The following WWOX variants were observed in gnomAD, a reference collection of about 807,000 sequenced individuals.
WWOX encodes WW domain-containing oxidoreductase.
A neutral mutation model predicts 46.2 loss-of-function variants in WWOX; 69 were observed. The observed-to-expected ratio is 1.49, with a 90% confidence interval of 1.23 to 1.82. WWOX has a LOEUF of 1.82. Among genes scored for constraint, WWOX ranks in the 40% most tolerant of loss-of-function variants. The pLI is 0.00. For missense variants in WWOX, 919 were observed against 542.6 expected, an observed-to-expected ratio of 1.69 and a Z score of -6.89; for synonymous variants, 359 against 202.6, an observed-to-expected ratio of 1.77 and a Z score of -6.56.
chr16:78,102,111 G>A (rs367739914), intron 1 of WWOX, among the ~76,000 whole-genome samples: 23 of 152,244 alleles, frequency 1.5e-4, no homozygotes, highest in African/African-American at 5.5e-4. Flanking sequence ...TGTAGAAATG[G>A]GGTCTCACCA....
intron 6 of WWOX, among the ~76,000 whole-genome samples, chr16:78,421,198 G>A (rs1293357497): frequency 6.6e-6 from 1 of 152,148 alleles, no homozygotes; most frequent in Non-Finnish European, 1.5e-5. Context: ...CAAAACAACA[G>A]AATTTTACTC....
intron 8 of WWOX, among the ~76,000 whole-genome samples, chr16:78,585,179 C>G (rs373246003): frequency 1.3e-5 from 2 of 152,194 alleles, no homozygotes; most frequent in South Asian, 4.1e-4. Context: ...CACCCCCGGG[C>G]TATTTCTGAC....
At chr16:78,840,885 C>T (rs2052123091) in intron 8 of WWOX, among the ~76,000 whole-genome samples, 1 of 152,038 alleles carries the variant, frequency 6.6e-6, no homozygotes, top group Non-Finnish European at 1.5e-5. Flanking sequence ...AGGTAACACA[C>T]TTGGAGTAGC....
intron 8 of WWOX, among the ~76,000 whole-genome samples, chr16:79,169,416 G>A (rs530118811): frequency 6.6e-6 from 1 of 152,186 alleles, no homozygotes; most frequent in Non-Finnish European, 1.5e-5. Context: ...TTGGAGAAAT[G>A]CAGTGCTTCC....
chr16:78,120,223 G>A (rs1370035847), intron 4 of WWOX, among the ~76,000 whole-genome samples: 3 of 152,086 alleles, frequency 2.0e-5, no homozygotes, highest in South Asian at 2.1e-4. Context: ...TAAAAAGTAC[G>A]TGCTCAAGGT....
chr16:78,490,525 A>G (rs913149109), intron 8 of WWOX, among the ~76,000 whole-genome samples: 1 of 152,150 alleles, frequency 6.6e-6, no homozygotes, highest in Non-Finnish European at 1.5e-5. Flanking sequence ...CGTTGTTTTC[A>G]ATGCTGGGCT....
chr16:79,048,393 G>T (rs1483729338), intron 8 of WWOX, among the ~76,000 whole-genome samples: 1 of 151,954 alleles, frequency 6.6e-6, no homozygotes, highest in African/African-American at 2.4e-5. Context: ...CCCATTTTCT[G>T]CTTGGTTCAG....
chr16:78,548,185 AT>A (rs1298089886), intron 8 of WWOX, among the ~76,000 whole-genome samples: 1 of 131,456 alleles, frequency 7.6e-6, no homozygotes, highest in Non-Finnish European at 1.7e-5. Context: ...AAAATTACGA[AT>A]TTTGCGAGGA....
intron 8 of WWOX, among the ~76,000 whole-genome samples, chr16:78,906,519 G>A (rs554774621): frequency 2.6e-5 from 4 of 152,216 alleles, no homozygotes; most frequent in African/African-American, 9.6e-5. Flanking sequence ...GCAAAATCAG[G>A]CCACGATTGC....
At chr16:79,192,872 C>T (rs922324393) in intron 8 of WWOX, among the ~76,000 whole-genome samples, 4 of 152,174 alleles carry the variant, frequency 2.6e-5, no homozygotes, top group African/African-American at 9.7e-5. Context: ...GCTCTAATTT[C>T]CTCACAGGGC....
At chr16:78,809,518 G>A (rs776984215) in intron 8 of WWOX, among the ~76,000 whole-genome samples, 4 of 152,174 alleles carry the variant, frequency 2.6e-5, no homozygotes, top group Non-Finnish European at 5.9e-5. Flanking sequence ...GCCTCTGGCA[G>A]TATTCCTTTC....
At chr16:78,239,697 G>A (rs1472759418) in intron 5 of WWOX, among the ~76,000 whole-genome samples, 1 of 151,962 alleles carries the variant, frequency 6.6e-6, no homozygotes, top group Non-Finnish European at 1.5e-5. Context: ...ACCACGTCTG[G>A]CTAGTTTTTG....
At chr16:78,627,266 C>G (rs1186046410) in intron 8 of WWOX, among the ~76,000 whole-genome samples, 2 of 152,148 alleles carry the variant, frequency 1.3e-5, no homozygotes, top group South Asian at 2.1e-4. Context: ...AGGGGATAGC[C>G]CTCCAAACCT....
intron 8 of WWOX, among the ~76,000 whole-genome samples, chr16:78,744,922 T>G (rs2049312682): frequency 6.6e-6 from 1 of 152,304 alleles, no homozygotes; most frequent in South Asian, 2.1e-4. Flanking sequence ...TGTTTCCTCC[T>G]ATGTCAGGTC....
At chr16:78,962,880 A>C (rs1597211429) in intron 8 of WWOX, among the ~76,000 whole-genome samples, 1 of 152,146 alleles carries the variant, frequency 6.6e-6, no homozygotes, top group African/African-American at 2.4e-5. Flanking sequence ...AATTCATATA[A>C]ATAGTCACCC....
chr16:78,361,575 T>C (rs969418391), intron 5 of WWOX, among the ~76,000 whole-genome samples: 61 of 152,246 alleles, frequency 4.0e-4, no homozygotes, highest in African/African-American at 1.4e-3. Context: ...GGAATTCTTC[T>C]GAAGAAAGAG....
chr16:79,092,007 T>C (rs1316533051), intron 8 of WWOX, among the ~76,000 whole-genome samples: 1 of 151,998 alleles, frequency 6.6e-6, no homozygotes, highest in Non-Finnish European at 1.5e-5. Context: ...TCTCGATCTC[T>C]TGACCTCGTG....
chr16:78,176,143 G>A (rs751456805), intron 5 of WWOX, among the ~76,000 whole-genome samples: 1 of 152,074 alleles, frequency 6.6e-6, no homozygotes, highest in Non-Finnish European at 1.5e-5. Context: ...TCTATGCACC[G>A]GCCCTGGTCC....
chr16:78,369,530 T>C (rs59274620), intron 5 of WWOX, among the ~76,000 whole-genome samples: 10,067 of 152,208 alleles, frequency 0.066, 360 homozygotes, highest in East Asian at 0.12. Flanking sequence ...GGCAGCTCAC[T>C]CGGCCTGCGC....
Sources: gnomAD v4.1 joint callset for allele counts (sites outside exome capture counted in the v4.1 genomes callset) on GRCh38, gnomAD v4.1.1 for gene constraint, MANE v1.5 for transcripts, NCBI Gene and HGNC (gene_info 2026-07-23, HGNC 2026-07-21) for gene names.